DYM: variants seen among roughly 807,000 people sequenced by gnomAD.
DYM encodes dyggve-Melchior-Clausen syndrome protein.
In DYM, 78 loss-of-function variants were observed where a neutral mutation model predicts 93.1. That is an observed-to-expected ratio of 0.84 (90% CI 0.70 to 1.01). The LOEUF (loss-of-function observed/expected upper bound fraction) is 1.01, where lower values mean the gene tolerates loss of function less well. DYM is among the 50% of genes least tolerant of loss of function. The pLI is 0.00. For missense variants in DYM, 789 were observed against 845.0 expected (o/e 0.93, Z 0.82); for synonymous variants, 321 against 319.7 (o/e 1.00, Z -0.04).
intron 17 of DYM, among the ~76,000 whole-genome samples, chr18:49,075,164 C>T (rs943724349): frequency 1.3e-5 from 2 of 152,152 alleles, no homozygotes; most frequent in Non-Finnish European, 2.9e-5. Flanking sequence ...GGACCCATAA[C>T]CCTAAGGACC....
chr18:49,354,667 C>T (rs2065389273), intron 6 of DYM, among the ~76,000 whole-genome samples: 1 of 152,074 alleles, frequency 6.6e-6, no homozygotes, highest in African/African-American at 2.4e-5. Context: ...ATGGCACAAG[C>T]ATATGAAGAG....
At chr18:49,203,977 TGCTTCTTTAA>T (rs1380262845) in intron 14 of DYM, among the ~76,000 whole-genome samples, 2 of 150,842 alleles carry the variant, frequency 1.3e-5, no homozygotes, top group African/African-American at 2.4e-5. Flanking sequence ...AACTTCCATT[TGCTTCTTTAA>T]GCCACTATTA....
intron 14 of DYM, among the ~76,000 whole-genome samples, chr18:49,202,102 C>CT (rs1955633215): frequency 6.6e-6 from 1 of 152,212 alleles, no homozygotes; most frequent in Non-Finnish European, 1.5e-5. Flanking sequence ...CGAAAACTTT[C>CT]TTTCCAGCTC....
chr18:49,191,785 C>T lies in DYM; in HGVS notation c.1625+17766G>A, dbSNP rs183515694. Among the ~76,000 whole-genome samples, 54 of 152,120 alleles carry T rather than the reference C, an allele frequency of 3.5e-4. 1 individual carries two copies. The highest frequency in any genetic ancestry group is 1.2e-3 in the African/African-American group (50 of 41,488). On this transcript the variant is annotated intron_variant, in intron 14 of 17. Transcript: ENST00000675505. Reference sequence around the variant, plus strand: ...TAATATTAAATTTGTAATGGCTCTACGATGAGTCAAAATGATTTCAAGGGC... The same window carrying T: ...TAATATTAAATTTGTAATGGCTCTATGATGAGTCAAAATGATTTCAAGGGC...
chr18:49,055,875 G>A (rs186755301), intron 17 of DYM, among the ~76,000 whole-genome samples: 16 of 152,334 alleles, frequency 1.1e-4, no homozygotes, highest in African/African-American at 1.4e-4. Context: ...TCCCTCCAGC[G>A]TTCCAGGAAA....
rs866903982 is a variant in DYM at position 49,040,094 on chromosome 18, A to T, written c.*3961T>A. On this transcript the variant is annotated 3_prime_UTR_variant, in exon 18 of 18. Coordinates refer to ENST00000675505, the MANE Select transcript of DYM (RefSeq NM_001353214.3). The stretch of plus-strand genomic sequence containing the variant: ...GGTACTGAGGTGGTTTAGAAGTTGA[A>T]CTGCACTACCCATGAGGGATAGTCC... 6 of 152,244 alleles carry T rather than the reference A, an allele frequency of 3.9e-5. No individual in the cohort carries two copies. Among genetic ancestry groups the T allele is most frequent in the Admixed American group, 2.6e-4 (4 of 15,288 alleles). The allele number at this position is 152,244 out of a possible 1,614,324, so 9.4% of individuals were successfully genotyped here.
chr18:49,096,208 A>G (rs1163139073), intron 17 of DYM, among the ~76,000 whole-genome samples: 1 of 152,196 alleles, frequency 6.6e-6, no homozygotes, highest in Non-Finnish European at 1.5e-5. Flanking sequence ...CTATTACCAC[A>G]TGGTGGTGCC....
rs2070821084 is a variant in DYM at position 49,039,414 on chromosome 18, T to C, written c.*4641A>G. ...TTTTATTTATCCCACTTGGAGTTTG[T>C]GGGAGGGATTCTTGAATTTTTGGTG... On this transcript the variant is annotated 3_prime_UTR_variant, in exon 18 of 18. Transcript: ENST00000675505. 6.6e-6 allele frequency among the ~76,000 whole-genome samples: 1 copy of C among 152,198 alleles called. No individual in the cohort carries two copies. The highest frequency in any genetic ancestry group is 2.4e-5 in the African/African-American group (1 of 41,444).
At chr18:49,313,417 C>T (rs189863055) in intron 8 of DYM, among the ~76,000 whole-genome samples, 8 of 129,514 alleles carry the variant, frequency 6.2e-5, no homozygotes, top group African/African-American at 1.5e-4. Context: ...TAGCCAAGGT[C>T]GCACCACTGA....
At chr18:49,401,475 C>T (rs578134263) in intron 2 of DYM, among the ~76,000 whole-genome samples, 1 of 152,258 alleles carries the variant, frequency 6.6e-6, no homozygotes, top group East Asian at 1.9e-4. Flanking sequence ...TACATGTACA[C>T]ACTGTGAAAG....
intron 8 of DYM, among the ~76,000 whole-genome samples, chr18:49,287,594 C>A (rs1016224872): frequency 2.0e-5 from 3 of 151,696 alleles, no homozygotes; most frequent in African/African-American, 7.3e-5. Context: ...CTTAGAAATG[C>A]GCTGTCCAGG....
chr18:49,377,398 A>T (rs1380964872), intron 5 of DYM, among the ~76,000 whole-genome samples: 1 of 151,996 alleles, frequency 6.6e-6, no homozygotes, highest in African/African-American at 2.4e-5. Context: ...CATCTCTACT[A>T]AAAATACAAA....
intron 8 of DYM, among the ~76,000 whole-genome samples, chr18:49,314,156 A>G (rs2061778757): frequency 6.6e-6 from 1 of 152,166 alleles, no homozygotes; most frequent in Non-Finnish European, 1.5e-5. Context: ...TACACACAGA[A>G]CCACCTGTAA....
At chr18:49,317,260 GATAAAGATACAACC>G (rs1199199076) in intron 8 of DYM, among the ~76,000 whole-genome samples, 1 of 152,124 alleles carries the variant, frequency 6.6e-6, no homozygotes, top group Non-Finnish European at 1.5e-5. Context: ...GAATTAAAAG[GATAAAGATACAACC>G]ATAAAGAGAA....
chr18:49,245,645 C>T (rs2094147458), intron 13 of DYM, among the ~76,000 whole-genome samples: 1 of 152,200 alleles, frequency 6.6e-6, no homozygotes, highest in Admixed American at 6.5e-5. Context: ...TTTATCAAGA[C>T]AATGTGTGCA....
chr18:49,309,958 T>C (rs972395006), intron 8 of DYM, among the ~76,000 whole-genome samples: 3 of 152,150 alleles, frequency 2.0e-5, no homozygotes, highest in African/African-American at 7.2e-5. Context: ...GACAACATAA[T>C]GGTTCAGTGT....
At chr18:49,378,779 T>A (rs905405009) in intron 4 of DYM, 79 bp from the exon 5 acceptor site, 2 of 1,487,578 alleles carry the variant, frequency 1.3e-6, no homozygotes, top group Admixed American at 3.4e-5. Context: ...GATTTCTTCC[T>A]GATTTGACAA....
chr18:49,121,327 C>T (rs2082359537), intron 15 of DYM, among the ~76,000 whole-genome samples: 1 of 151,896 alleles, frequency 6.6e-6, no homozygotes, highest in Non-Finnish European at 1.5e-5. Flanking sequence ...GGCAGGTTAA[C>T]AGAAATTGCA....
At chr18:49,124,613 T>C (rs928633473) in intron 15 of DYM, among the ~76,000 whole-genome samples, 2 of 152,202 alleles carry the variant, frequency 1.3e-5, no homozygotes, top group African/African-American at 4.8e-5. Context: ...ACTAACCCTC[T>C]TATTTTTAGA....
Sources: gnomAD v4.1 joint callset for allele counts (sites outside exome capture counted in the v4.1 genomes callset) on GRCh38, gnomAD v4.1.1 for gene constraint, MANE v1.5 for transcripts, NCBI Gene and HGNC (gene_info 2026-07-23, HGNC 2026-07-21) for gene names.